The following ANXA10 variants were observed in gnomAD, a reference collection of about 807,000 sequenced individuals.
ANXA10 encodes the protein annexin A10, also known as annexin 14.
A neutral mutation model predicts 53.5 loss-of-function variants in ANXA10; 49 were observed. The ratio of observed to expected loss-of-function variants is 0.92; its 90% CI spans 0.73 to 1.16. The LOEUF is 1.16. ANXA10 is among the 50% of genes most tolerant of loss of function. ANXA10 has a pLI of 0.00. For synonymous variants in ANXA10, 131 were observed against 128.9 expected, an observed-to-expected ratio of 1.02 and a Z score of -0.11; for missense variants, 393 against 394.4, an observed-to-expected ratio of 1.00 and a Z score of 0.03.
At chr4:168,173,636 A>T (rs1054745421) in intron 6 of ANXA10, among the ~76,000 whole-genome samples, 1 of 152,172 alleles carries the variant, frequency 6.6e-6, no homozygotes, top group African/African-American at 2.4e-5. Context: ...TTTAGATAGC[A>T]GCAGGAGACA....
intron 1 of ANXA10, among the ~76,000 whole-genome samples, chr4:168,127,099 A>T (rs1731082125): frequency 6.6e-6 from 1 of 152,130 alleles, no homozygotes; most frequent in African/African-American, 2.4e-5. Context: ...GTCTGGGCAT[A>T]CTGACAACAA....
rs563599993 is a variant in ANXA10 at position 168,184,782 on chromosome 4, G to A, written c.906+101G>A. On this transcript the variant is annotated intron_variant, in intron 11 of 11. Transcript: ENST00000359299. ...ATAACTTCATGGCAGACTCTAAAAA[G>A]TTAACTATTCAGACAGGGATAACCT... The A allele has an allele frequency of 6.0e-5, 89 of 1,480,758 alleles. No homozygotes were observed. In the East Asian group the frequency reaches 2.0e-3, roughly 34 times the overall value. 91.7% of individuals were successfully genotyped at this position (1,480,758 alleles called of 1,614,324 possible).
At chr4:168,146,495 C>A (rs1188957855) in intron 3 of ANXA10, among the ~76,000 whole-genome samples, 1 of 152,160 alleles carries the variant, frequency 6.6e-6, no homozygotes, top group African/African-American at 2.4e-5. Flanking sequence ...CAACCTTTGA[C>A]AAAAGTGACA....
chr4:168,104,776 G>A (rs756558840), intron 1 of ANXA10, among the ~76,000 whole-genome samples: 1 of 151,462 alleles, frequency 6.6e-6, no homozygotes, highest in Non-Finnish European at 1.5e-5. Context: ...TTTCATTGTT[G>A]TCCAAATAAT....
chr4:168,155,958 CAT>C (rs1308059147), intron 3 of ANXA10, among the ~76,000 whole-genome samples: 1 of 3,776 alleles, frequency 2.6e-4, no homozygotes, highest in Non-Finnish European at 4.1e-4. Flanking sequence ...TATGATATAT[CAT>C]ATATTATATT....
chr4:168,092,636 C>G lies in ANXA10; in HGVS notation c.-65C>G. 1 of 1,471,076 alleles carries G rather than the reference C, an allele frequency of 6.8e-7. No homozygotes were observed. Among genetic ancestry groups the G allele is most frequent in the Non-Finnish European group, 9.4e-7 (1 of 1,065,446 alleles). 91.1% of individuals were successfully genotyped at this position (1,471,076 alleles called of 1,614,324 possible). A position where few individuals can be genotyped will look rare whatever the true frequency, so the allele number is the denominator to read the frequency against. On this transcript the variant is annotated 5_prime_UTR_variant, in exon 1 of 12. Transcript: ENST00000359299. ...TGAACCTTAATTCTTTCTGGCTTCA[C>G]AGTGAAACAAGTTTATGCAATCGAT... is the stretch of plus-strand genomic sequence containing the variant.
chr4:168,155,843 A>ATAAT (rs1199653870), intron 3 of ANXA10, among the ~76,000 whole-genome samples: 2 of 16,726 alleles, frequency 1.2e-4, no homozygotes, highest in African/African-American at 5.4e-4. Context: ...TATCATATAT[A>ATAAT]ATATAATATA....
At chr4:168,104,179 G>A (rs766456632) in intron 1 of ANXA10, among the ~76,000 whole-genome samples, 6 of 151,844 alleles carry the variant, frequency 4.0e-5, no homozygotes, top group Non-Finnish European at 7.4e-5. Flanking sequence ...TTCTTAAATT[G>A]TTAATAAGGT....
At chr4:168,158,333 G>A (rs1434931091) in intron 3 of ANXA10, among the ~76,000 whole-genome samples, 1 of 152,108 alleles carries the variant, frequency 6.6e-6, no homozygotes, top group African/African-American at 2.4e-5. Flanking sequence ...TATCTTCTGG[G>A]CACAAATCTT....
chr4:168,105,069 A>G (rs76394669), intron 1 of ANXA10, among the ~76,000 whole-genome samples: 1 of 151,736 alleles, frequency 6.6e-6, no homozygotes, highest in South Asian at 2.1e-4. Context: ...GCAAAGGTCC[A>G]TGTGGTCTTG....
intron 1 of ANXA10, among the ~76,000 whole-genome samples, chr4:168,120,085 CTG>C (rs1188950150): frequency 6.6e-6 from 1 of 151,858 alleles, no homozygotes; most frequent in Non-Finnish European, 1.5e-5. Context: ...ACTTGGCACT[CTG>C]TAAATGGCAG....
At chr4:168,109,292 T>A (rs1217376888) in intron 1 of ANXA10, among the ~76,000 whole-genome samples, 3 of 152,186 alleles carry the variant, frequency 2.0e-5, no homozygotes, top group African/African-American at 7.2e-5. Context: ...TCAGCAAAAA[T>A]TTTCAGTTTA....
intron 1 of ANXA10, among the ~76,000 whole-genome samples, chr4:168,093,233 CTATT>C (rs1394341914): frequency 1.3e-5 from 2 of 152,082 alleles, no homozygotes; most frequent in African/African-American, 2.4e-5. Flanking sequence ...ATAATTTTGA[CTATT>C]AATTTTATTT....
chr4:168,182,475 T>C (rs1242543418), intron 10 of ANXA10, among the ~76,000 whole-genome samples: 12 of 149,388 alleles, frequency 8.0e-5, no homozygotes, highest in East Asian at 6.1e-4. Context: ...GGACTACAGG[T>C]ACCCGCCACC....
chr4:168,130,476 T>C (rs1247383120), intron 2 of ANXA10, among the ~76,000 whole-genome samples: 1 of 152,098 alleles, frequency 6.6e-6, no homozygotes, highest in Non-Finnish European at 1.5e-5. Context: ...AGGGTAAGGC[T>C]GACCTAGTAG....
Position 168,156,021 on chromosome 4 carries a change from T to C in ANXA10, c.196-6507T>C, listed in dbSNP as rs1731648257. On this transcript the variant is annotated intron_variant, in intron 3 of 11. Transcript: ENST00000359299. The stretch of plus-strand genomic sequence containing the variant: ...AATTTATATTATATGTTATATATAA[T>C]ATATTATATATAGTATTATATTATA... 6.0e-4 allele frequency among the ~76,000 whole-genome samples: 6 copies of C among 10,014 alleles called. No homozygotes were observed. In the South Asian group the frequency reaches 0.041, roughly 69 times the overall value. 6.6% of individuals were successfully genotyped at this position (10,014 alleles called of 152,430 possible). A position where few individuals can be genotyped will look rare whatever the true frequency, so the allele number is the denominator to read the frequency against.
rs1731837900 is a variant in ANXA10 at position 168,164,307 on chromosome 4, G to A, written c.400+19G>A. On this transcript the variant is annotated intron_variant, in intron 5 of 11. Coordinates refer to ENST00000359299, the MANE Select transcript of ANXA10 (RefSeq NM_007193.5). Reference sequence around the variant, plus strand: ...TGCTTGCGTAAGGAAATATACATATGTGAATATATTTTACACATATAAGAA... The same window carrying A: ...TGCTTGCGTAAGGAAATATACATATATGAATATATTTTACACATATAAGAA... The A allele has an allele frequency of 1.9e-6, 3 of 1,548,830 alleles. No homozygotes were observed. The highest frequency in any genetic ancestry group is 1.8e-6 in the Non-Finnish European group (2 of 1,123,422).
chr4:168,116,996 G>GACACACAGACACACAC (rs1553997132), intron 1 of ANXA10, among the ~76,000 whole-genome samples: 3 of 151,014 alleles, frequency 2.0e-5, no homozygotes, highest in Non-Finnish European at 3.0e-5. Context: ...TTTTCACACA[G>GACACACAGACACACAC]ACACACACAC....
intron 3 of ANXA10, among the ~76,000 whole-genome samples, chr4:168,160,121 T>A (rs1321494293): frequency 1.3e-5 from 2 of 152,144 alleles, no homozygotes; most frequent in South Asian, 2.1e-4. Context: ...CAGGTAAACA[T>A]GTGCCATGGT....
Sources: gnomAD v4.1 joint callset for allele counts (sites outside exome capture counted in the v4.1 genomes callset) on GRCh38, gnomAD v4.1.1 for gene constraint, MANE v1.5 for transcripts, NCBI Gene and HGNC (gene_info 2026-07-23, HGNC 2026-07-21) for gene names.